The following OR52E4 variants were observed in gnomAD, a reference collection of about 807,000 sequenced individuals.
OR52E4 encodes olfactory receptor 52E4.
For missense variants in OR52E4, 444 were observed against 383.8 expected (o/e 1.16, Z -1.31); for synonymous variants, 169 against 137.4 (o/e 1.23, Z -1.61).
In OR52E4 at chr11:5,886,113, C is replaced by T. The variant is rs1227183894; in HGVS notation, c.*882C>T. On this transcript the variant is annotated 3_prime_UTR_variant, in exon 2 of 2. Transcript: ENST00000641726. ...ACTCAGAGTGGCTCTCCTTGATCTTCAGCTTGCAGATGGCCTATTGTGGGA... is the reference window on the plus strand; with the variant it reads ...ACTCAGAGTGGCTCTCCTTGATCTTTAGCTTGCAGATGGCCTATTGTGGGA... 6.5e-6 allele frequency: 1 copy of T among 152,790 alleles called. No homozygotes were observed. The highest frequency in any genetic ancestry group is 1.4e-5 in the Non-Finnish European group (1 of 69,334). 9.5% of individuals were successfully genotyped at this position (152,790 alleles called of 1,614,324 possible).
At position 5,884,861 on chromosome 11, in the gene OR52E4, C is replaced by G; in HGVS notation, c.569C>G (p.Ala190Gly). ...YCEHRGLAGL[A>G]CAPIKINIIY... is the part of the protein sequence containing the mutation. ...GAGCACAGGGGTCTGGCCGGGTTGG[C>G]CTGTGCACCCATTAAGATCAACATA... The change falls in exon 2 of 2, where the codon GCC becomes GGC. Residue 190 changes from alanine (A) to glycine (G), a missense_variant. By Grantham distance (60) the Ala-to-Gly change is moderately conservative. Coordinates refer to ENST00000641726, the MANE Select transcript of OR52E4 (RefSeq NM_001005165.2). The G allele has an allele frequency of 6.2e-7, 1 of 1,613,296 alleles. No homozygotes were observed. Among genetic ancestry groups the G allele is most frequent in the Non-Finnish European group, 8.5e-7 (1 of 1,179,518 alleles).
intron 1 of OR52E4, among the ~76,000 whole-genome samples, chr11:5,882,100 C>A (rs1218298988): frequency 6.6e-6 from 1 of 152,046 alleles, no homozygotes; most frequent in Non-Finnish European, 1.5e-5. Flanking sequence ...TGTCAATGTG[C>A]ATATCTAGAG....
In OR52E4 at chr11:5,884,940, C is replaced by T; in HGVS notation, c.648C>T (p.Ala216=). 1 of 1,612,912 alleles carries T rather than the reference C, an allele frequency of 6.2e-7. No homozygotes were observed. The change falls in exon 2 of 2, where the codon GCC becomes GCT. Residue 216 remains alanine, a synonymous_variant. Transcript: ENST00000641726. The stretch of plus-strand genomic sequence containing the variant: ...TTATTGTGGATGTGATCTTAATTGC[C>T]TCTTCCTATGTGCTTATCCTTAGAG... ...SYIIVDVILI[A]SSYVLILRAV... is the part of the protein sequence containing the mutation.
chr11:5,881,634 T>C (rs953668524), intron 1 of OR52E4, among the ~76,000 whole-genome samples: 19 of 152,118 alleles, frequency 1.2e-4, no homozygotes, highest in Non-Finnish European at 8.8e-5. Context: ...AATAACTTCT[T>C]TCTGCTAACA....
In OR52E4 at chr11:5,884,753, ATTTAGTTCTTGTAACCCCATTTGTGT is replaced by A. The variant is rs777383135; in HGVS notation, c.464_489del (p.Leu155SerfsTer11). On this transcript the variant is annotated frameshift_variant, in exon 2 of 2. Coordinates refer to ENST00000641726, the MANE Select transcript of OR52E4 (RefSeq NM_001005165.2). LOFTEE classifies it low-confidence loss of function (END_TRUNC). ...CTAGCTTCTGTGGTTGTTGGAAGAA[ATTTAGTTCTTGTAACCCCATTTGTGT>A]TTCTCATTCTGCGTCTGCCATTCTG... 1 of 1,613,632 alleles carries A rather than the reference ATTTAGTTCTTGTAACCCCATTTGTGT, an allele frequency of 6.2e-7. No homozygotes were observed. The highest frequency in any genetic ancestry group is 8.5e-7 in the Non-Finnish European group (1 of 1,179,786).
At chr11:5,881,607 T>G (rs1324576807) in intron 1 of OR52E4, among the ~76,000 whole-genome samples, 3 of 152,122 alleles carry the variant, frequency 2.0e-5, no homozygotes, top group Non-Finnish European at 4.4e-5. Context: ...TGACATAATT[T>G]GGACTTTTTA....
chr11:5,880,974 T>C (rs1254621190), intron 1 of OR52E4, among the ~76,000 whole-genome samples: 1 of 151,842 alleles, frequency 6.6e-6, no homozygotes, highest in Non-Finnish European at 1.5e-5. Context: ...TACACACACA[T>C]ACACTCATAC....
In OR52E4 at chr11:5,882,723, A is replaced by ACTCT. The variant is rs952891717; in HGVS notation, c.-74-1493_-74-1490dup. 7.1e-3 allele frequency among the ~76,000 whole-genome samples: 1,066 copies of ACTCT among 149,290 alleles called. 10 individuals carry two copies. The highest frequency in any genetic ancestry group is 0.02 in the African/African-American group (815 of 40,618). The stretch of plus-strand genomic sequence containing the variant: ...GTCTCTCTCTCTCTCTCTCTCTCTC[A>ACTCT]CTCTCTGTCTCTGTCACACACACTC... On this transcript the variant is annotated intron_variant, in intron 1 of 1. Coordinates refer to ENST00000641726, the MANE Select transcript of OR52E4 (RefSeq NM_001005165.2).
Position 5,884,667 on chromosome 11 carries a change from T to A in OR52E4, c.375T>A (p.Phe125Leu). ...TGGTGGTCATGGCTTATGACCGCTTTGTTGCCATCTGCAACCCTCTCCAGT... is the reference window on the plus strand; with the variant it reads ...TGGTGGTCATGGCTTATGACCGCTTAGTTGCCATCTGCAACCCTCTCCAGT... ...VLLVVMAYDR[F>L]VAICNPLQYT... The change falls in exon 2 of 2, where the codon TTT (phenylalanine) becomes TTA (leucine). Residue 125 changes from phenylalanine (F) to leucine (L), a missense_variant. Transcript: ENST00000641726. The A allele has an allele frequency of 6.2e-7, 1 of 1,613,606 alleles. No individual in the cohort carries two copies. Among genetic ancestry groups the A allele is most frequent in the Non-Finnish European group, 8.5e-7 (1 of 1,179,726 alleles).
In OR52E4 at chr11:5,884,416, G is replaced by T; in HGVS notation, c.124G>T (p.Val42Leu). ...CTGTATTGTGTACCTGATTGCCATTGTGGGGAATATGACCATTCTCTTTGT... is the reference window on the plus strand; with the variant it reads ...CTGTATTGTGTACCTGATTGCCATTTTGGGGAATATGACCATTCTCTTTGT... ...PFCIVYLIAI[V>L]GNMTILFVIK... The change falls in exon 2 of 2, where the codon GTG (valine) becomes TTG (leucine). Residue 42 changes from valine to leucine, a missense_variant. Transcript: ENST00000641726. The T allele has an allele frequency of 6.2e-7, 1 of 1,613,362 alleles. No individual in the cohort carries two copies. Among genetic ancestry groups the T allele is most frequent in the Non-Finnish European group, 8.5e-7 (1 of 1,179,524 alleles).
chr11:5,885,019 G>C lies in OR52E4; in HGVS notation c.727G>C (p.Gly243Arg). 6.2e-7 allele frequency: 1 copy of C among 1,613,264 alleles called. No homozygotes were observed. Among genetic ancestry groups the C allele is most frequent in the Non-Finnish European group, 8.5e-7 (1 of 1,179,612 alleles). Residue 243 changes from glycine (G) to arginine (R), a missense_variant, in exon 2 of 2, where the codon GGT (glycine) becomes CGT (arginine). Coordinates refer to ENST00000641726, the MANE Select transcript of OR52E4 (RefSeq NM_001005165.2). ...CCGACTAAAGGCCTTCAATACCTGT[G>C]GTTCTCATGTCTGTGTTATGCTGTG... ...DVRLKAFNTC[G>R]SHVCVMLCFY... is the part of the protein sequence containing the mutation.
rs1847042177 is a variant in OR52E4, at chr11:5,886,221, A to G, written c.*990A>G. On this transcript the variant is annotated 3_prime_UTR_variant, in exon 2 of 2. Transcript: ENST00000641726. Reference sequence around the variant, plus strand: ...CACACACACACACACACACACACATATATATATATATCCTATTAGTTCAGT... The same window carrying G: ...CACACACACACACACACACACACATGTATATATATATCCTATTAGTTCAGT... 6.7e-6 allele frequency: 1 copy of G among 148,644 alleles called. No homozygotes were observed. Among genetic ancestry groups the G allele is most frequent in the Non-Finnish European group, 1.5e-5 (1 of 67,560 alleles). 9.2% of individuals were successfully genotyped at this position (148,644 alleles called of 1,614,324 possible).
chr11:5,884,732 C>T lies in OR52E4; in HGVS notation c.440C>T (p.Ala147Val). Reference protein sequence around the residue: ...ILTNKTISILASVVVGRNLVL... With the variant: ...ILTNKTISILVSVVVGRNLVL... ...ACCAATAAAACCATCAGTATCCTAG[C>T]TTCTGTGGTTGTTGGAAGAAATTTA... is the stretch of plus-strand genomic sequence containing the variant. The change falls in exon 2 of 2, where the codon GCT becomes GTT. Residue 147 changes from alanine to valine, a missense_variant. Transcript: ENST00000641726. The T allele has an allele frequency of 1.9e-6, 3 of 1,613,630 alleles. No homozygotes were observed. The highest frequency in any genetic ancestry group is 1.7e-6 in the Non-Finnish European group (2 of 1,179,762).
rs957004180 is a variant in OR52E4 at position 5,884,868 on chromosome 11, A to G, written c.576A>G (p.Ala192=). ...EHRGLAGLAC[A]PIKINIIYGL... is the part of the protein sequence containing the mutation. The stretch of plus-strand genomic sequence containing the variant: ...GGGGTCTGGCCGGGTTGGCCTGTGC[A>G]CCCATTAAGATCAACATAATCTATG... Residue 192 remains alanine (A), a synonymous_variant, in exon 2 of 2, where the codon GCA becomes GCG. Transcript: ENST00000641726. The G allele has an allele frequency of 2.1e-5, 34 of 1,613,198 alleles. No homozygotes were observed. Among genetic ancestry groups the G allele is most frequent in the Non-Finnish European group, 2.7e-5 (32 of 1,179,540 alleles).
chr11:5,883,571 T>G (rs1468353975), intron 1 of OR52E4, among the ~76,000 whole-genome samples: 1 of 151,640 alleles, frequency 6.6e-6, no homozygotes, highest in Non-Finnish European at 1.5e-5. Flanking sequence ...ATATTTAATA[T>G]TAAAATAATA....
rs149952354 is a variant in OR52E4, at chr11:5,882,370, G to A, written c.-75+1656G>A. ...CTTAAGATTGGGCTGACTCTGGACT[G>A]TAAATCTCACAACACATCATCCTAG... is the stretch of plus-strand genomic sequence containing the variant. On this transcript the variant is annotated intron_variant, in intron 1 of 1. Transcript: ENST00000641726. Among the ~76,000 whole-genome samples, 368 of 152,106 alleles carry A rather than the reference G, an allele frequency of 2.4e-3. 1 individual carries two copies. Among genetic ancestry groups the A allele is most frequent in the African/African-American group, 8.6e-3 (358 of 41,514 alleles).
intron 1 of OR52E4, among the ~76,000 whole-genome samples, chr11:5,880,941 CCTTT>C (rs1846955460): frequency 6.6e-6 from 1 of 151,944 alleles, no homozygotes. Context: ...CTCTCTCCCC[CCTTT>C]CTCTCTGCCC....
chr11:5,884,792 G>T lies in OR52E4; in HGVS notation c.500G>T (p.Arg167Leu). 1.2e-6 allele frequency: 2 copies of T among 1,613,510 alleles called. No individual in the cohort carries two copies. The highest frequency in any genetic ancestry group is 1.7e-6 in the Non-Finnish European group (2 of 1,179,694). The change falls in exon 2 of 2, where the codon CGT (arginine) becomes CTT (leucine). Residue 167 changes from arginine to leucine, a missense_variant. Physicochemically the swap from Arg to Leu is moderately radical, Grantham distance 102. Coordinates refer to ENST00000641726, the MANE Select transcript of OR52E4 (RefSeq NM_001005165.2). ...ACCCCATTTGTGTTTCTCATTCTGC[G>T]TCTGCCATTCTGTGGGCATAACATC... ...LVTPFVFLIL[R>L]LPFCGHNIVP... is the part of the protein sequence containing the mutation.
Position 5,885,002 on chromosome 11 carries a change from A to C in OR52E4, c.710A>C (p.Lys237Thr). The change falls in exon 2 of 2, where the codon AAG (lysine) becomes ACG (threonine). Residue 237 changes from lysine (K) to threonine (T), a missense_variant. Coordinates refer to ENST00000641726, the MANE Select transcript of OR52E4 (RefSeq NM_001005165.2). The part of the protein sequence containing the change: ...FRLPSQDVRL[K>T]AFNTCGSHVC... ...CTTCCCTCTCAAGATGTCCGACTAA[A>C]GGCCTTCAATACCTGTGGTTCTCAT... The C allele has an allele frequency of 6.2e-7, 1 of 1,613,274 alleles. No homozygotes were observed. The highest frequency in any genetic ancestry group is 2.2e-5 in the East Asian group (1 of 44,836).
Sources: allele counts gnomAD v4.1 joint callset (sites outside exome capture counted in the v4.1 genomes callset), GRCh38; gene constraint gnomAD v4.1.1; transcripts MANE v1.5; gene names NCBI Gene and HGNC (gene_info 2026-07-23, HGNC 2026-07-21).